Variants in ASL observed in about 807,000 individuals in gnomAD.
ASL encodes argininosuccinate lyase, also known as argininosuccinase.
In ASL, 51 loss-of-function variants were observed where a neutral mutation model predicts 69.1. The observed-to-expected ratio is 0.74, with a 90% CI of 0.59 to 0.93. The LOEUF (loss-of-function observed/expected upper bound fraction) is 0.93. Ranked by LOEUF, ASL falls within the 40% of genes least tolerant of loss-of-function variation. ASL has a pLI of 0.00. For synonymous variants in ASL, 241 were observed against 247.6 expected (o/e 0.97, Z 0.25); for missense variants, 540 against 623.9 (o/e 0.87, Z 1.43).
intron 10 of ASL, 82 bp from the exon 11 acceptor site, chr7:66,088,725 C>G: frequency 8.1e-7 from 1 of 1,230,892 alleles, no homozygotes; most frequent in Non-Finnish European, 1.2e-6. Context: ...GTCCCCCCAC[C>G]GCCTAACCTC....
At position 66,093,165 on chromosome 7, in the gene ASL, C is replaced by A; in HGVS notation, c.*253C>A. On this transcript the variant is annotated 3_prime_UTR_variant, in exon 17 of 17. Transcript: ENST00000304874. The stretch of plus-strand genomic sequence containing the variant: ...CCCCCATCTCTACTCAATAATAAAA[C>A]AAATAGCCTGGCGTGGTGGCCCATG... 1.7e-6 allele frequency: 1 copy of A among 587,932 alleles called. No individual in the cohort carries two copies. Among genetic ancestry groups the A allele is most frequent in the Non-Finnish European group, 3.0e-6 (1 of 333,230 alleles). 36.4% of individuals were successfully genotyped at this position (587,932 alleles called of 1,614,324 possible).
At chr7:66,088,524 GAT>G (rs1165505088) in intron 10 of ASL, among the ~76,000 whole-genome samples, 2 of 152,108 alleles carry the variant, frequency 1.3e-5, no homozygotes, top group African/African-American at 4.8e-5. Context: ...GTATGTGAGT[GAT>G]AACTCAGTAA....
At position 66,089,185 on chromosome 7, in the gene ASL, G is replaced by A; in HGVS notation, c.918+10G>A. ...GCGTGTGTTTGGGCGGGTGAGCAAG[G>A]CAGGGGGAGGGGCGGGGCCTCTGGG... On this transcript the variant is annotated intron_variant, in intron 12 of 16. Coordinates refer to ENST00000304874, the MANE Select transcript of ASL (RefSeq NM_000048.4). 6.2e-7 allele frequency: 1 copy of A among 1,613,402 alleles called. No homozygotes were observed. The highest frequency in any genetic ancestry group is 2.2e-5 in the East Asian group (1 of 44,868).
At chr7:66,082,068 G>A (rs1010598697) in intron 3 of ASL, 71 bp downstream of exon 3, 29 of 1,527,614 alleles carry the variant, frequency 1.9e-5, no homozygotes, top group Admixed American at 1.2e-4. Context: ...AAATCCCTGA[G>A]CAAACAGTGC....
chr7:66,090,759 C>T (rs148494512), intron 14 of ASL, among the ~76,000 whole-genome samples: 3 of 152,206 alleles, frequency 2.0e-5, no homozygotes, highest in Non-Finnish European at 2.9e-5. Context: ...AAATTCCCAT[C>T]ATCACATCAT....
At chr7:66,080,978 G>A (rs1419920064) in intron 2 of ASL, among the ~76,000 whole-genome samples, 1 of 152,170 alleles carries the variant, frequency 6.6e-6, no homozygotes, top group Non-Finnish European at 1.5e-5. Context: ...AAAGGTTCTG[G>A]ACACCAGAGC....
chr7:66,087,716 C>T lies in ASL; in HGVS notation c.656-13C>T, dbSNP rs778029825. The T allele has an allele frequency of 1.2e-6, 2 of 1,614,018 alleles. No homozygotes were observed. The highest frequency in any genetic ancestry group is 1.7e-6 in the Non-Finnish European group (2 of 1,179,996). On this transcript the variant is annotated splice_polypyrimidine_tract_variant and intron_variant, in intron 9 of 16. Transcript: ENST00000304874. ...GTCCTCCAGCTTAGCCCTGCTTCCT[C>T]CCACCCCCCCAGAACTCAACTTTGG...
chr7:66,088,056 C>G (rs1786721943), intron 10 of ASL, among the ~76,000 whole-genome samples: 2 of 151,766 alleles, frequency 1.3e-5, no homozygotes, highest in South Asian at 4.1e-4. Flanking sequence ...CCCAGCTACT[C>G]AGGAGTTCTG....
chr7:66,087,246 G>C (rs1316557092), intron 8 of ASL, 88 bp from the exon 9 acceptor site: 9 of 207,126 alleles, frequency 4.3e-5, no homozygotes, highest in Non-Finnish European at 6.1e-5. Flanking sequence ...GTGCGTTCGT[G>C]TGTGTGTGTG....
In ASL at chr7:66,092,768, C is replaced by G. The variant is rs1409084448; in HGVS notation, c.1251C>G (p.Ser417Arg). Reference protein sequence around the residue: ...QLSLQELQTISPLFSGDVICV... With the variant: ...QLSLQELQTIRPLFSGDVICV... ...GGCCCACCTCTTCCTCTCTCCCCAG[C>G]CCCCTGTTCTCGGGCGACGTGATCT... The change falls in exon 17 of 17, where the codon AGC becomes AGG. Residue 417 changes from serine (S) to arginine (R), a missense_variant and splice_region_variant. Physicochemically the swap from Ser to Arg is moderately radical, Grantham distance 110. Coordinates refer to ENST00000304874, the MANE Select transcript of ASL (RefSeq NM_000048.4). 1 of 1,613,740 alleles carries G rather than the reference C, an allele frequency of 6.2e-7. No homozygotes were observed. Among genetic ancestry groups the G allele is most frequent in the Non-Finnish European group, 8.5e-7 (1 of 1,179,992 alleles).
chr7:66,083,044 G>C (rs199748156), intron 5 of ASL, 33 bp from the exon 6 acceptor site: 3 of 1,612,606 alleles, frequency 1.9e-6, no homozygotes, highest in East Asian at 4.5e-5. Context: ...GCAACACATC[G>C]GCCTCCCTGA....
At chr7:66,079,612 A>G (rs1166751935) in intron 2 of ASL, among the ~76,000 whole-genome samples, 1 of 151,822 alleles carries the variant, frequency 6.6e-6, no homozygotes, top group Non-Finnish European at 1.5e-5. Flanking sequence ...ATTTTATTTT[A>G]TTTTGTTCAT....
In ASL at chr7:66,092,792, C is replaced by T. The variant is rs771218861; in HGVS notation, c.1275C>T (p.Ile425=). The change falls in exon 17 of 17, where the codon ATC becomes ATT. Residue 425 remains isoleucine, a synonymous_variant. Transcript: ENST00000304874. ...TISPLFSGDV[I]CVWDYGHSVE... is the part of the protein sequence containing the mutation. ...GCCCCCTGTTCTCGGGCGACGTGAT[C>T]TGCGTGTGGGACTACGGGCACAGTG... 4 of 1,613,948 alleles carry T rather than the reference C, an allele frequency of 2.5e-6. No homozygotes were observed. Among genetic ancestry groups the T allele is most frequent in the Non-Finnish European group, 3.4e-6 (4 of 1,180,020 alleles).
chr7:66,085,156 G>A (rs1786622466), intron 6 of ASL, among the ~76,000 whole-genome samples: 1 of 152,106 alleles, frequency 6.6e-6, no homozygotes, highest in Non-Finnish European at 1.5e-5. Flanking sequence ...AGTAAATTGT[G>A]AATGATATCT....
Position 66,082,104 on chromosome 7 carries a change from T to C in ASL, c.207+107T>C, listed in dbSNP as rs916556540. The C allele has an allele frequency of 2.9e-6, 4 of 1,364,712 alleles. No homozygotes were observed. In the South Asian group the frequency reaches 5.0e-5, roughly 17 times the overall value. The allele number at this position is 1,364,712 out of a possible 1,614,324, so 84.5% of individuals were successfully genotyped here. On this transcript the variant is annotated intron_variant, in intron 3 of 16. Transcript: ENST00000304874. ...AGTGTTGCCCATCTGTGGTTTCACATTGAACTAATTATATACTCAAGTGCT... is the reference window on the plus strand; with the variant it reads ...AGTGTTGCCCATCTGTGGTTTCACACTGAACTAATTATATACTCAAGTGCT...
At chr7:66,091,097 CAAAA>C (rs71051336) in intron 14 of ASL, among the ~76,000 whole-genome samples, 1,822 of 73,362 alleles carry the variant, frequency 0.025, 13 homozygotes, top group Non-Finnish European at 0.032. Flanking sequence ...GACTCCATCT[CAAAA>C]AAAAAAAAAA....
chr7:66,084,016 C>T (rs1391335846), intron 6 of ASL, among the ~76,000 whole-genome samples: 1 of 152,148 alleles, frequency 6.6e-6, no homozygotes, highest in East Asian at 1.9e-4. Flanking sequence ...TCCTCAACTC[C>T]CTGTGACCCC....
Position 66,075,865 on chromosome 7 carries a change from G to T in ASL, c.-44+9G>T, listed in dbSNP as rs558890925. ...CGTGCGGCCAGGCGGAGGTGAGTGC[G>T]CGGCGGCCGGATGGGCGGGACGGGC... is the stretch of plus-strand genomic sequence containing the variant. On this transcript the variant is annotated intron_variant, in intron 1 of 16. Coordinates refer to ENST00000304874, the MANE Select transcript of ASL (RefSeq NM_000048.4). 1.7e-6 allele frequency: 1 copy of T among 574,484 alleles called. No homozygotes were observed. The highest frequency in any genetic ancestry group is 3.1e-6 in the Non-Finnish European group (1 of 322,150). The allele number at this position is 574,484 out of a possible 1,614,324, so 35.6% of individuals were successfully genotyped here.
intron 2 of ASL, among the ~76,000 whole-genome samples, chr7:66,081,202 G>A (rs980486709): frequency 1.8e-4 from 28 of 152,274 alleles, no homozygotes; most frequent in African/African-American, 6.0e-4. Flanking sequence ...GGTGGGAAAG[G>A]TTCCAGAAGT....
Sources: gnomAD v4.1 joint callset for allele counts (sites outside exome capture counted in the v4.1 genomes callset) on GRCh38, gnomAD v4.1.1 for gene constraint, MANE v1.5 for transcripts, NCBI Gene and HGNC (gene_info 2026-07-23, HGNC 2026-07-21) for gene names.